UNC79: variants seen among roughly 807,000 people sequenced by gnomAD.
UNC79 encodes protein unc-79 homolog.
A neutral mutation model predicts 283.1 loss-of-function variants in UNC79; 37 were observed. The ratio of observed to expected loss-of-function variants is 0.13; its 90% CI spans 0.10 to 0.17. The LOEUF (loss-of-function observed/expected upper bound fraction) is 0.17, where lower values mean the gene tolerates loss of function less well. UNC79 is among the 10% of genes least tolerant of loss of function. UNC79 has a pLI of 1.00. For synonymous variants in UNC79, 1,107 were observed against 1,200.2 expected, an observed-to-expected ratio of 0.92 and a Z score of 1.61; for missense variants, 2,272 against 3,211.1, an observed-to-expected ratio of 0.71 and a Z score of 7.07.
chr14:93,645,803 A>G (rs2069535544), intron 34 of UNC79, among the ~76,000 whole-genome samples: 1 of 152,158 alleles, frequency 6.6e-6, no homozygotes, highest in South Asian at 2.1e-4. Context: ...TAGTGACATT[A>G]GCATGAGAAG....
chr14:93,575,639 A>G (rs1023982820), intron 17 of UNC79, among the ~76,000 whole-genome samples: 2 of 152,140 alleles, frequency 1.3e-5, no homozygotes, highest in African/African-American at 4.8e-5. Context: ...GTCACTGTGA[A>G]CCAACTGAGC....
chr14:93,506,622 A>G (rs545892250), intron 7 of UNC79, among the ~76,000 whole-genome samples: 1 of 152,164 alleles, frequency 6.6e-6, no homozygotes, highest in South Asian at 2.1e-4. Context: ...CAGCTTTACT[A>G]TGATATATCT....
At chr14:93,487,607 G>GT in intron 4 of UNC79, 56 bp from the exon 5 acceptor site, 1 of 1,435,776 alleles carries the variant, frequency 7.0e-7, no homozygotes, top group Non-Finnish European at 9.7e-7. Flanking sequence ...TCTGTGCAAA[G>GT]TAACAGGTAT....
rs559338771 is a variant in UNC79, at chr14:93,621,437, C to T, written c.4388-184C>T. 1.7e-4 allele frequency among the ~76,000 whole-genome samples: 26 copies of T among 152,222 alleles called. No homozygotes were observed. The highest frequency in any genetic ancestry group is 5.8e-4 in the East Asian group (3 of 5,184). ...AACTGCCATTTTGGTTTCTTTCATT[C>T]GTAAATTTTCCAGTTTTTGAAATTA... On this transcript the variant is annotated intron_variant, in intron 29 of 48. Transcript: ENST00000555664. This position sits in a 1 kb window ranked among gnomAD's most constrained non-coding sequence, Gnocchi z 4.8.
intron 23 of UNC79, 29 bp from the exon 24 acceptor site, chr14:93,597,330 C>A: frequency 1.2e-6 from 2 of 1,607,674 alleles, no homozygotes; most frequent in Non-Finnish European, 1.7e-6. Flanking sequence ...TGTGTATTTA[C>A]GTATTTTGCC....
chr14:93,673,301 C>G (rs764084300), intron 40 of UNC79, 50 bp from the exon 44 acceptor site: 3 of 1,548,898 alleles, frequency 1.9e-6, no homozygotes, highest in Non-Finnish European at 8.9e-7. Flanking sequence ...TGGATATACT[C>G]TAATTGAATT....
chr14:93,701,949 G>A (rs1261776398), intron 47 of UNC79, among the ~76,000 whole-genome samples: 2 of 152,110 alleles, frequency 1.3e-5, no homozygotes, highest in Admixed American at 1.3e-4. Flanking sequence ...CAGGGACAGG[G>A]TACTCAGTAC....
At chr14:93,616,784 C>G (rs1216845809) in intron 27 of UNC79, among the ~76,000 whole-genome samples, 1 of 152,118 alleles carries the variant, frequency 6.6e-6, no homozygotes, top group Non-Finnish European at 1.5e-5. Context: ...TCTAGGAATT[C>G]CCATTTCTGC....
At chr14:93,613,074 A>C (rs575616811) in exon 27 of UNC79, 1 of 1,614,188 alleles carries the variant, frequency 6.2e-7, no homozygotes, top group African/African-American at 1.3e-5. Flanking sequence ...TCATTGCAGG[A>C]ATTGCCCAAG....
At chr14:93,404,501 T>A (rs1273077176) in intron 1 of UNC79, among the ~76,000 whole-genome samples, 39 of 69,878 alleles carry the variant, frequency 5.6e-4, no homozygotes, top group African/African-American at 8.8e-4. Context: ...AAAATATATA[T>A]ATATATATAT....
chr14:93,604,509 T>C (rs2065747602), intron 26 of UNC79, among the ~76,000 whole-genome samples: 1 of 152,204 alleles, frequency 6.6e-6, no homozygotes, highest in Non-Finnish European at 1.5e-5. Context: ...CATTTAAGAA[T>C]AGCCAGTGGT....
chr14:93,506,087 A>C (rs2059523575), intron 7 of UNC79, among the ~76,000 whole-genome samples: 2 of 151,596 alleles, frequency 1.3e-5, no homozygotes, highest in South Asian at 4.2e-4. Context: ...CCTATCTGGG[A>C]TTGAAGTTTT....
At chr14:93,433,267 G>T (rs985743639) in intron 1 of UNC79, among the ~76,000 whole-genome samples, 2 of 152,148 alleles carry the variant, frequency 1.3e-5, no homozygotes, top group Non-Finnish European at 2.9e-5. Context: ...GCTGTGGAAA[G>T]GTTAAGGATG....
intron 1 of UNC79, chr14:93,347,256 C>T (rs773687297): frequency 1.1e-5 from 18 of 1,596,488 alleles, no homozygotes; most frequent in Admixed American, 1.0e-4. Context: ...GGCTTTGTCT[C>T]ACCTGACGCG....
intron 1 of UNC79, among the ~76,000 whole-genome samples, chr14:93,341,398 A>G (rs2053705189): frequency 6.6e-6 from 1 of 152,100 alleles, no homozygotes; most frequent in African/African-American, 2.4e-5. Context: ...CAGAGGTTGT[A>G]GTGAGCTGAG....
Position 93,673,470 on chromosome 14 carries a change from G to A in UNC79, c.6741+15G>A, listed in dbSNP as rs531321931. 1 of 1,607,248 alleles carries A rather than the reference G, an allele frequency of 6.2e-7. No individual in the cohort carries two copies. The highest frequency in any genetic ancestry group is 1.1e-5 in the South Asian group (1 of 89,756). ...TGCTTGTTCAGGTAAGCTCATGCTT[G>A]ATTTGTAAAACTTTTCATGAGATCC... On this transcript the variant is annotated intron_variant, in intron 41 of 48. Coordinates refer to ENST00000555664, the Ensembl canonical transcript of UNC79.
At chr14:93,706,918 C>T (rs372851922), downstream of UNC79, 7 of 1,613,862 alleles carry the variant, frequency 4.3e-6, no homozygotes, top group Middle Eastern at 1.6e-4. Context: ...GACTCCTCGG[C>T]GCTCAGTGTC....
chr14:93,338,539 A>G (rs182813902), intron 1 of UNC79, among the ~76,000 whole-genome samples: 1 of 152,344 alleles, frequency 6.6e-6, no homozygotes, highest in African/African-American at 2.4e-5. Context: ...TAAAACCAAA[A>G]AAGAGCTTAT....
chr14:93,542,781 G>C (rs1455387910), intron 14 of UNC79, 85 bp downstream of exon 14: 3 of 1,286,254 alleles, frequency 2.3e-6, no homozygotes, highest in Non-Finnish European at 3.4e-6. Flanking sequence ...TATTATCAGT[G>C]TCTGCAGAGG....
Sources: allele counts gnomAD v4.1 joint callset (sites outside exome capture counted in the v4.1 genomes callset), GRCh38; gene constraint gnomAD v4.1.1; non-coding constraint Gnocchi (gnomAD v3.1); transcripts MANE v1.5; gene names NCBI Gene and HGNC (gene_info 2026-07-23, HGNC 2026-07-21).